SLC15A1: variants seen among roughly 807,000 people sequenced by gnomAD.
The protein encoded by SLC15A1 is Caco-2 oligopeptide transporter.
A neutral mutation model predicts 92.9 loss-of-function variants in SLC15A1; 83 were observed. That is an observed-to-expected ratio of 0.89 (90% CI 0.75 to 1.07). The LOEUF is 1.07. Among genes scored for constraint, SLC15A1 ranks in the 50% least tolerant of loss-of-function variants. The probability of loss-of-function intolerance (pLI) is 0.00; values close to 1 mark genes in which losing one functional copy is unlikely to be tolerated. For missense variants in SLC15A1, 857 were observed against 880.1 expected, an observed-to-expected ratio of 0.97 and a Z score of 0.33; for synonymous variants, 322 against 318.2, an observed-to-expected ratio of 1.01 and a Z score of -0.13.
At chr13:98,696,238 A>AC (rs4646230) in intron 18 of SLC15A1, among the ~76,000 whole-genome samples, 65,153 of 151,178 alleles carry the variant, frequency 0.43, 15,939 homozygotes, top group Non-Finnish European at 0.56. Flanking sequence ...ATATGGTGAA[A>AC]CCCCGTCTCT....
At chr13:98,709,344 C>T (rs984183858) in intron 14 of SLC15A1, among the ~76,000 whole-genome samples, 5 of 152,166 alleles carry the variant, frequency 3.3e-5, no homozygotes, top group East Asian at 1.9e-4. Context: ...CTATCATCTG[C>T]GTAGAGAAGA....
chr13:98,688,345 G>T lies in SLC15A1; in HGVS notation c.1586C>A (p.Thr529Lys). 6.2e-7 allele frequency: 1 copy of T among 1,613,318 alleles called. No homozygotes were observed. The highest frequency in any genetic ancestry group is 8.5e-7 in the Non-Finnish European group (1 of 1,179,640). ...TGGCGGAATCTCTGTTGAGCTTATT[G>T]TGAAGCCTTTTCTATCAAAATAAAG... ...QFFPSGIKGFTISSTEIPPQC... is the reference protein window; with the variant it reads ...QFFPSGIKGFKISSTEIPPQC... The change falls in exon 20 of 23, where the codon ACA (threonine) becomes AAA (lysine). Residue 529 changes from threonine (T) to lysine (K), a missense_variant. Thr to Lys is a moderately conservative substitution (Grantham distance 78). Coordinates refer to ENST00000376503, the MANE Select transcript of SLC15A1 (RefSeq NM_005073.4).
intron 1 of SLC15A1, among the ~76,000 whole-genome samples, chr13:98,737,375 G>A (rs947903136): frequency 6.6e-6 from 1 of 152,166 alleles, no homozygotes; most frequent in East Asian, 1.9e-4. Context: ...TATAGCATTA[G>A]GAGAAATACC....
rs142939434 is a variant in SLC15A1 at position 98,704,652 on chromosome 13, T to A, written c.1270-217A>T. On this transcript the variant is annotated intron_variant, in intron 16 of 22. Transcript: ENST00000376503. Reference sequence around the variant, plus strand: ...GTTTTTGGTACCACCACAGGAACCATACTTTTCACCAAGCATCTTACTTTT... The same window carrying A: ...GTTTTTGGTACCACCACAGGAACCAAACTTTTCACCAAGCATCTTACTTTT... Among the ~76,000 whole-genome samples the A allele has an allele frequency of 6.2e-4, 94 of 152,286 alleles. No individual in the cohort carries two copies. In the East Asian group the frequency reaches 0.012, roughly 19 times the overall value.
intron 22 of SLC15A1, among the ~76,000 whole-genome samples, chr13:98,685,905 G>T (rs2139557726): frequency 6.6e-6 from 1 of 151,624 alleles, no homozygotes; most frequent in African/African-American, 2.4e-5. Flanking sequence ...AGAATCACTT[G>T]AACCCGAGAG....
chr13:98,684,545 CAAAAAA>C lies in SLC15A1; in HGVS notation c.*173_*178del, dbSNP rs4646233. 613 of 192,798 alleles carry C rather than the reference CAAAAAA, an allele frequency of 3.2e-3. No individual in the cohort carries two copies. Among genetic ancestry groups the C allele is most frequent in the East Asian group, 7.1e-3 (96 of 13,530 alleles). The allele number at this position is 192,798 out of a possible 1,614,324, so 11.9% of individuals were successfully genotyped here. On this transcript the variant is annotated 3_prime_UTR_variant, in exon 23 of 23. Coordinates refer to ENST00000376503, the MANE Select transcript of SLC15A1 (RefSeq NM_005073.4). ...GGACAACAAGAGCAAAACTCTGTCT[CAAAAAA>C]AAAAAAAAAAAAAAAAAGAAAAGAA...
chr13:98,752,651 G>C lies in SLC15A1; in HGVS notation c.-53C>G. ...CTGCCGGCGGGACGTGCTCCTGGCA[G>C]GTGCTACTCCTCCGACCTGACGTCC... is the stretch of plus-strand genomic sequence containing the variant. On this transcript the variant is annotated 5_prime_UTR_variant, in exon 1 of 23. Transcript: ENST00000376503. The C allele has an allele frequency of 8.0e-7, 1 of 1,242,744 alleles. No individual in the cohort carries two copies. The highest frequency in any genetic ancestry group is 1.6e-5 in the African/African-American group (1 of 64,446). The allele number at this position is 1,242,744 out of a possible 1,614,324, so 77.0% of individuals were successfully genotyped here.
Position 98,721,526 on chromosome 13 carries a change from C to G in SLC15A1, c.525G>C (p.Leu175Phe), listed in dbSNP as rs775540418. The change falls in exon 7 of 23, where the codon TTG becomes TTC. Residue 175 changes from leucine (L) to phenylalanine (F), a missense_variant. Coordinates refer to ENST00000376503, the MANE Select transcript of SLC15A1 (RefSeq NM_005073.4). ...GCATGGGTGTGATGATTGTGGAAAG[C>G]AAACTTCCAGCATTAATAGCCAAGT... Reference protein sequence around the residue: ...IFYLAINAGSLLSTIITPMLR... With the variant: ...IFYLAINAGSFLSTIITPMLR... 1.2e-6 allele frequency: 2 copies of G among 1,613,170 alleles called. No homozygotes were observed. Among genetic ancestry groups the G allele is most frequent in the South Asian group, 2.2e-5 (2 of 90,940 alleles).
intron 1 of SLC15A1, among the ~76,000 whole-genome samples, chr13:98,734,285 G>T (rs1411059254): frequency 6.6e-6 from 1 of 152,164 alleles, no homozygotes; most frequent in Admixed American, 6.6e-5. Flanking sequence ...TTATTTGAAA[G>T]TATGTATCAT....
chr13:98,711,148 C>T (rs1241737863), intron 11 of SLC15A1, among the ~76,000 whole-genome samples: 4 of 152,206 alleles, frequency 2.6e-5, no homozygotes, highest in Admixed American at 2.6e-4. Context: ...CCTCCCTGCT[C>T]AAACCACATG....
intron 1 of SLC15A1, among the ~76,000 whole-genome samples, chr13:98,739,355 G>A (rs7983644): frequency 0.92 from 140,538 of 152,206 alleles, 65,026 homozygotes; most frequent in African/African-American, 0.94. Flanking sequence ...ATTTGGGGAG[G>A]CCAGGGGGAA....
chr13:98,733,836 T>C (rs1219873134), intron 1 of SLC15A1, among the ~76,000 whole-genome samples: 2 of 152,332 alleles, frequency 1.3e-5, no homozygotes, highest in African/African-American at 2.4e-5. Context: ...CAAAATCTCA[T>C]ATTGAAATGT....
intron 18 of SLC15A1, among the ~76,000 whole-genome samples, chr13:98,702,262 T>A (rs557360791): frequency 2.0e-5 from 3 of 152,346 alleles, no homozygotes; most frequent in East Asian, 1.9e-4. Flanking sequence ...ATGCTTTTTT[T>A]AATCAATTGA....
intron 13 of SLC15A1, 39 bp from the exon 14 acceptor site, chr13:98,709,699 A>G: frequency 6.2e-7 from 1 of 1,614,132 alleles, no homozygotes; most frequent in East Asian, 2.2e-5. Flanking sequence ...AGCTTGTCTC[A>G]AAGACGACTC....
In SLC15A1 at chr13:98,726,144, T is replaced by A. The variant is rs952537023; in HGVS notation, c.224A>T (p.Asp75Val). ...TCACTTGAACTTTCCCAGCCACGAG[T>A]CGGCGATAAGAGCTCCGAGAATTGG... ...LTPILGALIA[D>V]SWLGKFKTIV... is the part of the protein sequence containing the mutation. The change falls in exon 4 of 23, where the codon GAC (aspartate) becomes GTC (valine). Residue 75 changes from aspartate to valine, a missense_variant. Asp to Val is a radical substitution (Grantham distance 152). Transcript: ENST00000376503. 1 of 1,613,756 alleles carries A rather than the reference T, an allele frequency of 6.2e-7. No individual in the cohort carries two copies. Among genetic ancestry groups the A allele is most frequent in the African/African-American group, 1.3e-5 (1 of 74,860 alleles).
In SLC15A1 at chr13:98,721,904, C is replaced by G; in HGVS notation, c.366-1G>C. On this transcript the variant is annotated splice_acceptor_variant, in intron 5 of 22. Transcript: ENST00000376503. LOFTEE classifies it high-confidence loss of function. ...GGCCAGGCCGATCAAGGACAGCACCCTGGGAAAGACAGGGTGTTAGGGCCA... is the reference window on the plus strand; with the variant it reads ...GGCCAGGCCGATCAAGGACAGCACCGTGGGAAAGACAGGGTGTTAGGGCCA... The G allele has an allele frequency of 6.2e-7, 1 of 1,611,696 alleles. No homozygotes were observed. The highest frequency in any genetic ancestry group is 8.5e-7 in the Non-Finnish European group (1 of 1,178,690).
Position 98,712,500 on chromosome 13 carries a change from C to T in SLC15A1, c.808G>A (p.Asp270Asn), listed in dbSNP as rs781722627. Reference protein sequence around the residue: ...HWLDWAKEKYDERLISQIKMV... With the variant: ...HWLDWAKEKYNERLISQIKMV... Reference sequence around the variant, plus strand: ...TTGTAGCAATGACCGTTACTTACATCGTATTTCTCTTTAGCCCAGTCCAGC... The same window carrying T: ...TTGTAGCAATGACCGTTACTTACATTGTATTTCTCTTTAGCCCAGTCCAGC... Residue 270 changes from aspartate (D) to asparagine (N), a missense_variant and splice_region_variant, in exon 10 of 23, where the codon GAT (aspartate) becomes AAT (asparagine). By Grantham distance (23) the Asp-to-Asn change is conservative. Transcript: ENST00000376503. 12 of 1,606,564 alleles carry T rather than the reference C, an allele frequency of 7.5e-6. No individual in the cohort carries two copies. Among genetic ancestry groups the T allele is most frequent in the Middle Eastern group, 3.3e-4 (2 of 6,066 alleles).
intron 17 of SLC15A1, among the ~76,000 whole-genome samples, chr13:98,702,967 CAAAAAAAAAAAAAAA>C (rs535486738): frequency 3.9e-5 from 3 of 77,688 alleles, no homozygotes; most frequent in South Asian, 5.0e-4. Context: ...GATCCTGTCT[CAAAAAAAAAAAAAAA>C]AAAAAAAAAA....
rs185083708 is a variant in SLC15A1, at chr13:98,750,175, C to T, written c.4+2420G>A. Among the ~76,000 whole-genome samples, 457 of 151,966 alleles carry T rather than the reference C, an allele frequency of 3.0e-3. 3 individuals carry two copies. Among genetic ancestry groups the T allele is most frequent in the African/African-American group, 0.011 (444 of 41,442 alleles). On this transcript the variant is annotated intron_variant, in intron 1 of 22. Coordinates refer to ENST00000376503, the MANE Select transcript of SLC15A1 (RefSeq NM_005073.4). ...TCGTCCAGGCTGGAGTGCAATGGCA[C>T]GATCTTGGCTCACTGCAACCTCTGC...
Sources: gnomAD v4.1 joint callset for allele counts (sites outside exome capture counted in the v4.1 genomes callset) on GRCh38, gnomAD v4.1.1 for gene constraint, MANE v1.5 for transcripts, NCBI Gene and HGNC (gene_info 2026-07-23, HGNC 2026-07-21) for gene names.